Variants in CHCHD6 observed in about 807,000 individuals in gnomAD.
CHCHD6 encodes the protein coiled-coil-helix-coiled-coil-helix domain containing 6, also known as MICOS complex subunit MIC25.
A neutral mutation model predicts 32.3 loss-of-function variants in CHCHD6; 28 were observed. The ratio of observed to expected loss-of-function variants is 0.87; its 90% CI spans 0.64 to 1.19. The LOEUF (loss-of-function observed/expected upper bound fraction) is 1.19, where lower values mean the gene tolerates loss of function less well. Among genes scored for constraint, CHCHD6 ranks in the 50% most tolerant of loss-of-function variants. The pLI, the probability that CHCHD6 is intolerant of heterozygous loss-of-function variation, is 0.00. For synonymous variants in CHCHD6, 122 were observed against 117.5 expected, an observed-to-expected ratio of 1.04 and a Z score of -0.25; for missense variants, 333 against 307.0, an observed-to-expected ratio of 1.08 and a Z score of -0.63.
intron 4 of CHCHD6, among the ~76,000 whole-genome samples, chr3:126,790,795 G>C (rs1938492089): frequency 6.6e-6 from 1 of 152,158 alleles, no homozygotes; most frequent in Non-Finnish European, 1.5e-5. Context: ...AGAGAAGTTT[G>C]ATTGTCTGAA....
chr3:126,720,434 G>T lies in CHCHD6; in HGVS notation c.88-6644G>T, dbSNP rs532035915. The stretch of plus-strand genomic sequence containing the variant: ...ATTCCCACAGGGTCCACTCTGAAAT[G>T]GGGGGTGCTGTCCAGTCGTGTGCTG... On this transcript the variant is annotated intron_variant, in intron 1 of 7. Transcript: ENST00000290913. Among the ~76,000 whole-genome samples, 21 of 152,282 alleles carry T rather than the reference G, an allele frequency of 1.4e-4. No homozygotes were observed. The South Asian group carries it at 3.5e-3, about 26-fold the overall frequency.
At chr3:126,711,667 C>T (rs1247917709) in intron 1 of CHCHD6, among the ~76,000 whole-genome samples, 1 of 152,176 alleles carries the variant, frequency 6.6e-6, no homozygotes, top group Non-Finnish European at 1.5e-5. Flanking sequence ...TGTAGCATCT[C>T]CATGCGCCCA....
chr3:126,880,812 C>G (rs1024262275), intron 5 of CHCHD6, among the ~76,000 whole-genome samples: 3 of 152,062 alleles, frequency 2.0e-5, no homozygotes, highest in African/African-American at 7.2e-5. Context: ...AATGTGTACT[C>G]AAGGAAATTA....
chr3:126,930,188 T>A (rs1576616583), intron 6 of CHCHD6, among the ~76,000 whole-genome samples: 1 of 152,376 alleles, frequency 6.6e-6, no homozygotes, highest in Non-Finnish European at 1.5e-5. Context: ...TCCAACAGAC[T>A]CTTCTCTTCT....
rs750910142 is a variant in CHCHD6 at position 126,914,704 on chromosome 3, T to A, written c.520T>A (p.Ser174Thr). ...GAATGCTGAGATGTATAAACTGTCT[T>A]CAGAGCAATTCCATGAGGCAGCCTC... is the stretch of plus-strand genomic sequence containing the variant. ...RKNAEMYKLSSEQFHEAASKM... is the reference protein window; with the variant it reads ...RKNAEMYKLSTEQFHEAASKM... The change falls in exon 6 of 8, where the codon TCA becomes ACA. Residue 174 changes from serine (S) to threonine (T), a missense_variant. By Grantham distance (58) the Ser-to-Thr change is moderately conservative. Coordinates refer to ENST00000290913, the MANE Select transcript of CHCHD6 (RefSeq NM_032343.3). 9 of 1,595,770 alleles carry A rather than the reference T, an allele frequency of 5.6e-6. No individual in the cohort carries two copies. The South Asian group carries it at 9.9e-5, about 18-fold the overall frequency.
chr3:126,732,941 T>C, intron 3 of CHCHD6, 137 bp from the exon 4 acceptor site: 1 of 879,740 alleles, frequency 1.1e-6, no homozygotes, highest in Non-Finnish European at 1.8e-6. Context: ...TTCACAGCAC[T>C]CTCTCCTTTC....
chr3:126,849,508 T>G (rs1334487479), intron 4 of CHCHD6, among the ~76,000 whole-genome samples: 1 of 152,204 alleles, frequency 6.6e-6, no homozygotes, highest in African/African-American at 2.4e-5. Flanking sequence ...CTTGACCAAA[T>G]CATGCAGATT....
At chr3:126,950,531 A>G (rs1029967355) in intron 6 of CHCHD6, among the ~76,000 whole-genome samples, 3 of 152,194 alleles carry the variant, frequency 2.0e-5, no homozygotes, top group Non-Finnish European at 4.4e-5. Flanking sequence ...TGCTCACTGC[A>G]CACCTGCCTC....
At chr3:126,923,941 G>C (rs1368083939) in intron 6 of CHCHD6, among the ~76,000 whole-genome samples, 2 of 152,182 alleles carry the variant, frequency 1.3e-5, no homozygotes, top group African/African-American at 4.8e-5. Flanking sequence ...ACACATAGGA[G>C]CCCACAGCTC....
chr3:126,823,569 T>G (rs1312301332), intron 4 of CHCHD6, among the ~76,000 whole-genome samples: 1 of 152,232 alleles, frequency 6.6e-6, no homozygotes, highest in African/African-American at 2.4e-5. Context: ...GTATTGACTT[T>G]GATAAATTGA....
intron 6 of CHCHD6, among the ~76,000 whole-genome samples, chr3:126,918,682 T>C (rs1170075068): frequency 6.6e-6 from 1 of 152,080 alleles, no homozygotes; most frequent in South Asian, 2.1e-4. Context: ...AAAAGGCCAG[T>C]ATGGCTAGAG....
intron 6 of CHCHD6, among the ~76,000 whole-genome samples, chr3:126,915,944 C>T (rs778716546): frequency 9.8e-5 from 14 of 142,622 alleles, no homozygotes; most frequent in African/African-American, 3.2e-4. Flanking sequence ...GCATGTGCCA[C>T]GCCCAGCTAA....
chr3:126,956,662 G>A (rs1051561100), intron 6 of CHCHD6, among the ~76,000 whole-genome samples: 1 of 151,908 alleles, frequency 6.6e-6, no homozygotes, highest in Non-Finnish European at 1.5e-5. Context: ...CCAAAATTAC[G>A]CTCAGGAGGC....
rs548253750 is a variant in CHCHD6, at chr3:126,744,787, A to C, written c.411+11565A>C. Among the ~76,000 whole-genome samples, 7 of 152,208 alleles carry C rather than the reference A, an allele frequency of 4.6e-5. No individual in the cohort carries two copies. In the South Asian group the frequency reaches 1.5e-3, roughly 32 times the overall value. ...ACTGCAACCTCCGCCTCCTGGGTTCAAGTGATTCTCCTGCCTCAGCCTCCC... is the reference window on the plus strand; with the variant it reads ...ACTGCAACCTCCGCCTCCTGGGTTCCAGTGATTCTCCTGCCTCAGCCTCCC... On this transcript the variant is annotated intron_variant, in intron 4 of 7. Coordinates refer to ENST00000290913, the MANE Select transcript of CHCHD6 (RefSeq NM_032343.3).
At chr3:126,915,066 G>A (rs530959439) in intron 6 of CHCHD6, among the ~76,000 whole-genome samples, 3 of 152,244 alleles carry the variant, frequency 2.0e-5, no homozygotes, top group Non-Finnish European at 1.5e-5. Flanking sequence ...GGAGCTGGCC[G>A]TCAGGCCCCA....
chr3:126,704,594 G>C (rs4679130), intron 1 of CHCHD6, among the ~76,000 whole-genome samples, 195 bp downstream of exon 1: 27,537 of 152,148 alleles, frequency 0.18, 2,732 homozygotes, highest in South Asian at 0.35. Context: ...TTCGCGACAT[G>C]GGCTTCAGGG....
At chr3:126,839,853 G>T (rs1252613828) in intron 4 of CHCHD6, among the ~76,000 whole-genome samples, 1 of 152,034 alleles carries the variant, frequency 6.6e-6, no homozygotes, top group African/African-American at 2.4e-5. Flanking sequence ...CATTTCCATG[G>T]TTTTTAGTGT....
chr3:126,888,113 G>C (rs1236283019), intron 5 of CHCHD6, among the ~76,000 whole-genome samples: 2 of 152,138 alleles, frequency 1.3e-5, no homozygotes, highest in Non-Finnish European at 2.9e-5. Flanking sequence ...GTGTGGGAGG[G>C]AGAGCTCCAG....
chr3:126,889,087 C>G (rs2077718032), intron 5 of CHCHD6, among the ~76,000 whole-genome samples: 1 of 152,146 alleles, frequency 6.6e-6, no homozygotes, highest in Admixed American at 6.5e-5. Context: ...GCAGAAAGCC[C>G]CAGGTGGCTG....
Sources: allele counts gnomAD v4.1 joint callset (sites outside exome capture counted in the v4.1 genomes callset), GRCh38; gene constraint gnomAD v4.1.1; transcripts MANE v1.5; gene names NCBI Gene and HGNC (gene_info 2026-07-23, HGNC 2026-07-21).